Variants in GTF3C3 observed in about 807,000 individuals in gnomAD.
GTF3C3 encodes the protein general transcription factor IIIC subunit 3, also known as general transcription factor 3C polypeptide 3.
Under a neutral mutation model 105.2 loss-of-function variants are expected in GTF3C3, and 75 were observed. The ratio of observed to expected loss-of-function variants is 0.71; its 90% confidence interval spans 0.59 to 0.86. GTF3C3 has a LOEUF of 0.86. GTF3C3 is among the 40% of genes least tolerant of loss of function. GTF3C3 has a pLI of 0.00. For synonymous variants in GTF3C3, 335 were observed against 370.4 expected, an observed-to-expected ratio of 0.90 and a Z score of 1.10; for missense variants, 856 against 1,076.5, an observed-to-expected ratio of 0.80 and a Z score of 2.87.
At chr2:196,767,016 A>AGTT (rs1699080323) in intron 16 of GTF3C3, 1 of 200,710 alleles carries the variant, frequency 5.0e-6, no homozygotes, top group Non-Finnish European at 1.0e-5. Flanking sequence ...AATAATTTGA[A>AGTT]GTTGGCTTGT....
intron 15 of GTF3C3, among the ~76,000 whole-genome samples, chr2:196,771,042 A>T (rs1226911150): frequency 6.6e-6 from 1 of 152,202 alleles, no homozygotes; most frequent in Non-Finnish European, 1.5e-5. Context: ...TTTAGGTAGT[A>T]AGACATGCAT....
Position 196,764,435 on chromosome 2 carries a change from A to ATACAC in GTF3C3, c.*123_*127dup. On this transcript the variant is annotated 3_prime_UTR_variant, in exon 18 of 18. Transcript: ENST00000263956. ...GATCATTATCACATATTAAAAATAAATACACTGTTTGTTAGGTAATTCTGA... is the reference window on the plus strand; with the variant it reads ...GATCATTATCACATATTAAAAATAAATACACTACACTGTTTGTTAGGTAATTCTGA... 2 of 847,922 alleles carry ATACAC rather than the reference A, an allele frequency of 2.4e-6. No homozygotes were observed. Among genetic ancestry groups the ATACAC allele is most frequent in the East Asian group, 2.6e-5 (1 of 38,998 alleles). 52.5% of individuals were successfully genotyped at this position (847,922 alleles called of 1,614,324 possible).
At position 196,764,463 on chromosome 2, in the gene GTF3C3, T is replaced by TACC. The variant is rs1699024101; in HGVS notation, c.*99_*100insGGT. On this transcript the variant is annotated 3_prime_UTR_variant, in exon 18 of 18. Transcript: ENST00000263956. ...CACTGTTTGTTAGGTAATTCTGAAA[T>TACC]TGTCATTTCTATTTTGGAGTTACAA... is the stretch of plus-strand genomic sequence containing the variant. The TACC allele has an allele frequency of 9.5e-7, 1 of 1,053,252 alleles. No individual in the cohort carries two copies. 65.2% of individuals were successfully genotyped at this position (1,053,252 alleles called of 1,614,324 possible).
rs541675796 is a variant in GTF3C3, at chr2:196,770,046, A to G, written c.2261-7T>C. 1.2e-5 allele frequency: 18 copies of G among 1,513,782 alleles called. No homozygotes were observed. Among genetic ancestry groups the G allele is most frequent in the African/African-American group, 2.9e-5 (2 of 69,628 alleles). 93.8% of individuals were successfully genotyped at this position (1,513,782 alleles called of 1,614,324 possible). A position where few individuals can be genotyped will look rare whatever the true frequency, so the allele number is the denominator to read the frequency against. On this transcript the variant is annotated splice_region_variant and splice_polypyrimidine_tract_variant and intron_variant, in intron 15 of 17. Coordinates refer to ENST00000263956, the MANE Select transcript of GTF3C3 (RefSeq NM_012086.5). ...AAGGCTTGCACATACTGTCCTGGAA[A>G]ATAAGCAGTGGTGTCAGACGGTGTG... is the stretch of plus-strand genomic sequence containing the variant.
rs763871140 is a variant in GTF3C3, at chr2:196,799,585, G to C, written c.27C>G (p.Ile9Met). The C allele has an allele frequency of 1.2e-6, 2 of 1,613,810 alleles. No individual in the cohort carries two copies. Among genetic ancestry groups the C allele is most frequent in the Non-Finnish European group, 1.7e-6 (2 of 1,179,736 alleles). ...AGGAGATTTTCCCTTCCAAGTAGTC[G>C]ATGAGTTCCGGACTGAACCCTGACA... Reference protein sequence around the residue: MSGFSPELIDYLEGKISFE... With the variant: MSGFSPELMDYLEGKISFE... The change falls in exon 1 of 18, where the codon ATC (isoleucine) becomes ATG (methionine). Residue 9 changes from isoleucine (I) to methionine (M), a missense_variant. By Grantham distance (10) the Ile-to-Met change is conservative. Around this residue, in one of 3 missense-constraint regions of GTF3C3, gnomAD observed 117 missense variants for 114.0 expected, o/e 1.03. Coordinates refer to ENST00000263956, the MANE Select transcript of GTF3C3 (RefSeq NM_012086.5).
At chr2:196,779,134 T>G in intron 9 of GTF3C3, 67 bp from the exon 10 acceptor site, 1 of 1,303,504 alleles carries the variant, frequency 7.7e-7, no homozygotes, top group South Asian at 1.3e-5. Context: ...CTATAGCTTT[T>G]TTTTTTTTTT....
intron 2 of GTF3C3, among the ~76,000 whole-genome samples, chr2:196,794,854 G>C (rs188453696): frequency 6.6e-6 from 1 of 150,572 alleles, no homozygotes; most frequent in Admixed American, 6.6e-5. Flanking sequence ...TCAGCCTCCC[G>C]AATAGCTGGG....
rs772669222 is a variant in GTF3C3, at chr2:196,785,607, A to G, written c.894-19T>C. The G allele has an allele frequency of 4.4e-5, 65 of 1,492,102 alleles. No homozygotes were observed. The Middle Eastern group carries it at 5.5e-4, about 13-fold the overall frequency. The allele number at this position is 1,492,102 out of a possible 1,614,324, so 92.4% of individuals were successfully genotyped here. ...GTAACTCCTAAAAAAAAGTGGCAAA[A>G]TGGATGAATATTTACTTAATTCCAA... On this transcript the variant is annotated intron_variant, in intron 6 of 17. Coordinates refer to ENST00000263956, the MANE Select transcript of GTF3C3 (RefSeq NM_012086.5).
chr2:196,799,509 C>G lies in GTF3C3; in HGVS notation c.102+1G>C. On this transcript the variant is annotated splice_donor_variant, in intron 1 of 17. Transcript: ENST00000263956. LOFTEE classifies it high-confidence loss of function. ...GGCACCGTGGCCTAGCATCGCCTCA[C>G]TTTCTTCTCGCGGGTTTTTCTCTCT... 1 of 1,612,938 alleles carries G rather than the reference C, an allele frequency of 6.2e-7. No individual in the cohort carries two copies. Among genetic ancestry groups the G allele is most frequent in the Non-Finnish European group, 8.5e-7 (1 of 1,178,900 alleles).
At chr2:196,789,519 T>G (rs1449148204) in intron 5 of GTF3C3, 150 bp from the exon 6 acceptor site, 1 of 593,542 alleles carries the variant, frequency 1.7e-6, no homozygotes, top group Non-Finnish European at 2.9e-6. Flanking sequence ...TCACAGGAAC[T>G]CTTGACTAGG....
intron 15 of GTF3C3, among the ~76,000 whole-genome samples, chr2:196,770,604 C>T (rs1240932878): frequency 2.0e-5 from 3 of 152,064 alleles, no homozygotes; most frequent in African/African-American, 4.8e-5. Flanking sequence ...ACATGTATTC[C>T]ATATATACAA....
intron 2 of GTF3C3, among the ~76,000 whole-genome samples, chr2:196,795,237 C>G (rs1699622061): frequency 1.3e-5 from 2 of 152,030 alleles, no homozygotes; most frequent in Non-Finnish European, 2.9e-5. Context: ...GGGGTTTCAC[C>G]ATGTTGGCCA....
In GTF3C3 at chr2:196,764,560, GCTTTATATAGAA is replaced by G; in HGVS notation, c.2652_*2del. 6.2e-7 allele frequency: 1 copy of G among 1,613,128 alleles called. No individual in the cohort carries two copies. Among genetic ancestry groups the G allele is most frequent in the Non-Finnish European group, 8.5e-7 (1 of 1,179,396 alleles). On this transcript the variant is annotated stop_lost and 3_prime_UTR_variant, in exon 18 of 18. Coordinates refer to ENST00000263956, the MANE Select transcript of GTF3C3 (RefSeq NM_012086.5). ...CCATTGCTCTGTTCTCAGTTGCGGTGCTTTATATAGAACAATAGGTATACAAAAGCGTTTGAG... is the reference window on the plus strand; with the variant it reads ...CCATTGCTCTGTTCTCAGTTGCGGTGCAATAGGTATACAAAAGCGTTTGAG...
rs946349491 is a variant in GTF3C3, at chr2:196,764,010, G to A, written c.*553C>T. On this transcript the variant is annotated 3_prime_UTR_variant, in exon 18 of 18. Transcript: ENST00000263956. Reference sequence around the variant, plus strand: ...TTTTGAATTAAGCCCAGCCTCCCATGTTTCAGTTTAGGTAGCTAAGATACA... The same window carrying A: ...TTTTGAATTAAGCCCAGCCTCCCATATTTCAGTTTAGGTAGCTAAGATACA... 3 of 152,132 alleles carry A rather than the reference G, an allele frequency of 2.0e-5. No individual in the cohort carries two copies. Among genetic ancestry groups the A allele is most frequent in the Non-Finnish European group, 4.4e-5 (3 of 68,020 alleles). The allele number at this position is 152,132 out of a possible 1,614,324, so 9.4% of individuals were successfully genotyped here.
rs1157755113 is a variant in GTF3C3 at position 196,778,925 on chromosome 2, T to C, written c.1361A>G (p.Asn454Ser). ...LSALVCSERYNLAVVWLRHAE... is the reference protein window; with the variant it reads ...LSALVCSERYSLAVVWLRHAE... ...ATGACGAAGCCAAACTACTGCAAGG[T>C]TGTATCTTTCAGAGCAAACAAGAGC... Residue 454 changes from asparagine (N) to serine (S), a missense_variant, in exon 10 of 18, where the codon AAC (asparagine) becomes AGC (serine). By Grantham distance (46) the Asn-to-Ser change is conservative (BLOSUM62 1). Coordinates refer to ENST00000263956, the MANE Select transcript of GTF3C3 (RefSeq NM_012086.5). 1 of 1,613,990 alleles carries C rather than the reference T, an allele frequency of 6.2e-7. No individual in the cohort carries two copies. The highest frequency in any genetic ancestry group is 8.5e-7 in the Non-Finnish European group (1 of 1,179,944).
rs1446608511 is a variant in GTF3C3, at chr2:196,790,023, C to T, written c.583G>A (p.Asp195Asn). ...AATGATTTTTCCATGTCACCTTGGT[C>T]CTCATATATCATGGCTAGAGTAGAG... is the stretch of plus-strand genomic sequence containing the variant. ...PFSTLAMIYE[D>N]QGDMEKSLQF... Residue 195 changes from aspartate (D) to asparagine (N), a missense_variant, in exon 5 of 18, where the codon GAC becomes AAC. Around this residue, in one of 3 missense-constraint regions of GTF3C3, gnomAD observed 605 missense variants for 833.6 expected, o/e 0.73. Transcript: ENST00000263956. 3 of 1,613,236 alleles carry T rather than the reference C, an allele frequency of 1.9e-6. No individual in the cohort carries two copies.
chr2:196,775,715 T>C (rs1463214518), intron 12 of GTF3C3, among the ~76,000 whole-genome samples: 2 of 152,148 alleles, frequency 1.3e-5, no homozygotes, highest in Non-Finnish European at 1.5e-5. Context: ...ATCTGGAAAA[T>C]ACTTTTGCAA....
chr2:196,798,150 C>T (rs892152009), intron 1 of GTF3C3, among the ~76,000 whole-genome samples: 1 of 152,120 alleles, frequency 6.6e-6, no homozygotes, highest in African/African-American at 2.4e-5. Context: ...GTACTTATAT[C>T]TTACCCTTCA....
At chr2:196,797,766 T>A (rs778759694) in intron 2 of GTF3C3, 31 bp downstream of exon 2, 2 of 1,162,294 alleles carry the variant, frequency 1.7e-6, no homozygotes, top group Non-Finnish European at 2.6e-6. Flanking sequence ...CTCTAAACAT[T>A]CATTGCAGGA....
Sources: allele counts gnomAD v4.1 joint callset (sites outside exome capture counted in the v4.1 genomes callset), GRCh38; gene constraint gnomAD v4.1.1; regional missense constraint gnomAD v4.1.1; transcripts MANE v1.5; gene names NCBI Gene and HGNC (gene_info 2026-07-23, HGNC 2026-07-21).